Variants in FAM13B observed in about 807,000 individuals in gnomAD.
The protein encoded by FAM13B is family with sequence similarity 13 member B.
Under a neutral mutation model 117.3 loss-of-function variants are expected in FAM13B, and 60 were observed. That is an observed-to-expected ratio of 0.51 (90% CI 0.42 to 0.63). FAM13B has a LOEUF of 0.63. FAM13B is among the 30% of genes least tolerant of loss of function. The pLI is 0.00. For missense variants in FAM13B, 972 were observed against 1,091.9 expected, an observed-to-expected ratio of 0.89 and a Z score of 1.55; for synonymous variants, 332 against 356.1, an observed-to-expected ratio of 0.93 and a Z score of 0.76.
rs972948831 is a variant in FAM13B at position 138,050,448 on chromosome 5, A to G, written c.-203+1430T>C. ...ATGAAACTCCGTCTCAAAACAAACA[A>G]ACAAACAAACAAACAAACAGACAAA... On this transcript the variant is annotated intron_variant, in intron 1 of 3. Transcript: ENST00000502471. Among the ~76,000 whole-genome samples the G allele has an allele frequency of 9.7e-4, 148 of 152,000 alleles. 2 individuals are homozygous for G. The highest frequency in any genetic ancestry group is 1.2e-4 in the Non-Finnish European group (8 of 68,010).
At chr5:138,042,803 G>C (rs949041583) in intron 1 of FAM13B, among the ~76,000 whole-genome samples, 1 of 152,084 alleles carries the variant, frequency 6.6e-6, no homozygotes, top group Non-Finnish European at 1.5e-5. Context: ...GTATTAAATT[G>C]ACCAGGGGCC....
chr5:137,986,658 G>C (rs1167950597), intron 9 of FAM13B, among the ~76,000 whole-genome samples: 2 of 152,234 alleles, frequency 1.3e-5, no homozygotes, highest in East Asian at 3.8e-4. Flanking sequence ...TGTCGGAAAA[G>C]CTTCGGACCA....
intron 5 of FAM13B, 83 bp from the exon 6 acceptor site, chr5:138,011,232 T>A: frequency 7.9e-7 from 1 of 1,259,256 alleles, no homozygotes; most frequent in Non-Finnish European, 1.1e-6. Context: ...AGATACTTTA[T>A]GAACATGGGC....
intron 4 of FAM13B, among the ~76,000 whole-genome samples, chr5:138,016,507 G>A (rs142627186): frequency 0.011 from 1,733 of 152,114 alleles, 28 homozygotes; most frequent in African/African-American, 0.04. Flanking sequence ...GGTGGTGCGC[G>A]CCTGTAGTCC....
chr5:137,983,570 T>C (rs1254941981), intron 10 of FAM13B, among the ~76,000 whole-genome samples: 8 of 152,078 alleles, frequency 5.3e-5, no homozygotes, highest in Non-Finnish European at 4.4e-5. Context: ...TTTACACTGA[T>C]GGGAATGACT....
rs1347503440 is a variant in FAM13B at position 137,940,042 on chromosome 5, G to A, written c.*183C>T. ...GTGGTTAATATGGAACATCACTTAC[G>A]CTCCCTTGAGAGGGCCTACTTACTC... On this transcript the variant is annotated 3_prime_UTR_variant, in exon 24 of 24. Transcript: ENST00000689681. 21 of 1,613,102 alleles carry A rather than the reference G, an allele frequency of 1.3e-5. 1 individual carries two copies. Among genetic ancestry groups the A allele is most frequent in the African/African-American group, 5.3e-5 (4 of 74,884 alleles).
chr5:137,962,329 A>T, intron 11 of FAM13B, 76 bp downstream of exon 11: 1 of 1,273,986 alleles, frequency 7.8e-7, no homozygotes, highest in East Asian at 2.4e-5. Flanking sequence ...ACATTCATCT[A>T]AAAAAATCAC....
At chr5:138,025,031 C>T (rs1581284428) in intron 1 of FAM13B, among the ~76,000 whole-genome samples, 2 of 151,792 alleles carry the variant, frequency 1.3e-5, no homozygotes, top group Non-Finnish European at 1.5e-5. Context: ...CCACCATGCA[C>T]GGCTAATTTT....
intron 10 of FAM13B, among the ~76,000 whole-genome samples, chr5:137,981,369 G>A (rs1203606477): frequency 1.3e-5 from 2 of 152,062 alleles, no homozygotes; most frequent in Non-Finnish European, 2.9e-5. Flanking sequence ...AATCGCTTGA[G>A]GCCAGGAGTT....
intron 10 of FAM13B, among the ~76,000 whole-genome samples, chr5:137,970,881 T>G (rs1266905238): frequency 6.6e-6 from 1 of 151,808 alleles, no homozygotes; most frequent in East Asian, 1.9e-4. Context: ...TACTTAATGG[T>G]AAAGGGATCA....
intron 10 of FAM13B, among the ~76,000 whole-genome samples, chr5:137,966,484 TATATAGAGAGAGAGAG>T (rs1259796451): frequency 2.5e-3 from 125 of 50,610 alleles, no homozygotes; most frequent in African/African-American, 2.4e-3. Flanking sequence ...TATATATATA[TATATAGAGAGAGAGAG>T]AGAGAGAGAG....
intron 1 of FAM13B, among the ~76,000 whole-genome samples, chr5:138,032,356 G>A (rs1790315467): frequency 6.6e-6 from 1 of 152,234 alleles, no homozygotes. Flanking sequence ...GTTGAGCCCA[G>A]AATAAAACAC....
intron 1 of FAM13B, among the ~76,000 whole-genome samples, chr5:138,026,110 T>C (rs2151031432): frequency 6.6e-6 from 1 of 152,284 alleles, no homozygotes; most frequent in South Asian, 2.1e-4. Context: ...AGACTTTAAC[T>C]ATATCAACTC....
chr5:138,038,127 G>C (rs1045723119), intron 1 of FAM13B, among the ~76,000 whole-genome samples: 11 of 152,144 alleles, frequency 7.2e-5, no homozygotes, highest in Non-Finnish European at 1.6e-4. Context: ...ATGAGGCCCA[G>C]TGTGAACACC....
Position 137,959,699 on chromosome 5 carries a change from C to T in FAM13B, c.1358G>A (p.Ser453Asn). 1 of 1,613,998 alleles carries T rather than the reference C, an allele frequency of 6.2e-7. No homozygotes were observed. Among genetic ancestry groups the T allele is most frequent in the Non-Finnish European group, 8.5e-7 (1 of 1,179,872 alleles). ...NTESEVPGGQ[S>N]VGVQGEAACV... Reference sequence around the variant, plus strand: ...CGCTGCTTCCCCTTGAACACCAACACTCTGACCTCCTGGTACTTCTGATTC... The same window carrying T: ...CGCTGCTTCCCCTTGAACACCAACATTCTGACCTCCTGGTACTTCTGATTC... The change falls in exon 13 of 24, where the codon AGT (serine) becomes AAT (asparagine). Residue 453 changes from serine (S) to asparagine (N), a missense_variant. Ser to Asn is a conservative substitution (Grantham distance 46, BLOSUM62 1). Transcript: ENST00000689681.
intron 6 of FAM13B, among the ~76,000 whole-genome samples, chr5:138,008,654 A>C (rs1479899425): frequency 6.6e-6 from 1 of 152,232 alleles, no homozygotes; most frequent in African/African-American, 2.4e-5. Context: ...GTCTATACAT[A>C]ATAAGCAATA....
rs1359807369 is a variant in FAM13B at position 137,939,364 on chromosome 5, G to C, written c.*861C>G. On this transcript the variant is annotated 3_prime_UTR_variant, in exon 24 of 24. Coordinates refer to ENST00000689681, the MANE Select transcript of FAM13B (RefSeq NM_001385994.1). ...GAACACACAAATCTGAGCACCATCA[G>C]AGTTCCTACATACTGACATGGCTAT... 6.5e-6 allele frequency: 1 copy of C among 152,706 alleles called. No homozygotes were observed. Among genetic ancestry groups the C allele is most frequent in the Non-Finnish European group, 1.5e-5 (1 of 68,088 alleles). The allele number at this position is 152,706 out of a possible 1,614,324, so 9.5% of individuals were successfully genotyped here. A position where few individuals can be genotyped will look rare whatever the true frequency, so the allele number is the denominator to read the frequency against.
At position 137,988,114 on chromosome 5, in the gene FAM13B, TTTC is replaced by T. The variant is rs1298321660; in HGVS notation, c.890+157_890+159del. On this transcript the variant is annotated intron_variant, in intron 8 of 23. Coordinates refer to ENST00000689681, the MANE Select transcript of FAM13B (RefSeq NM_001385994.1). ...TTATTTTGTATAGTAATGCAATGGG[TTTC>T]TTCTTCATTTGTTCCTATCACAGTA... is the stretch of plus-strand genomic sequence containing the variant. Among the ~76,000 whole-genome samples the T allele has an allele frequency of 7.9e-5, 12 of 152,258 alleles. No homozygotes were observed. In the East Asian group the frequency reaches 2.1e-3, roughly 27 times the overall value.
rs200420966 is a variant in FAM13B, at chr5:137,941,989, T to C, written c.2645A>G (p.Lys882Arg). The change falls in exon 23 of 24, where the codon AAA becomes AGA. Residue 882 changes from lysine to arginine, a missense_variant. Transcript: ENST00000689681. ...KARAEKKKLR[K>R]TLREFEEAFY... ...TGCTTCTTCAAATTCCCGCAACGTT[T>C]TGCGTAGTTTCTTTTTTTCAGCTCT... 1 of 1,614,134 alleles carries C rather than the reference T, an allele frequency of 6.2e-7. No individual in the cohort carries two copies. The highest frequency in any genetic ancestry group is 8.5e-7 in the Non-Finnish European group (1 of 1,180,020).
Sources: gnomAD v4.1 joint callset for allele counts (sites outside exome capture counted in the v4.1 genomes callset) on GRCh38, gnomAD v4.1.1 for gene constraint, MANE v1.5 for transcripts, NCBI Gene and HGNC (gene_info 2026-07-23, HGNC 2026-07-21) for gene names.